Variants in ALOX5 observed in about 807,000 individuals in gnomAD.
ALOX5 encodes the protein polyunsaturated fatty acid 5-lipoxygenase.
A neutral mutation model predicts 87.9 loss-of-function variants in ALOX5; 64 were observed. That is an observed-to-expected ratio of 0.73 (90% CI 0.60 to 0.90). The LOEUF (loss-of-function observed/expected upper bound fraction) is 0.90. Ranked by LOEUF, ALOX5 falls within the 40% of genes least tolerant of loss-of-function variation. The pLI is 0.00. For synonymous variants in ALOX5, 388 were observed against 355.1 expected, an observed-to-expected ratio of 1.09 and a Z score of -1.04; for missense variants, 822 against 907.5, an observed-to-expected ratio of 0.91 and a Z score of 1.21.
intron 4 of ALOX5, among the ~76,000 whole-genome samples, chr10:45,415,235 C>T (rs546524034): frequency 2.3e-4 from 35 of 152,336 alleles, no homozygotes; most frequent in South Asian, 6.2e-4. Flanking sequence ...CACATATGCA[C>T]TATGGAATAC....
chr10:45,404,045 A>G (rs988154800), intron 3 of ALOX5, among the ~76,000 whole-genome samples: 5 of 152,242 alleles, frequency 3.3e-5, no homozygotes, highest in African/African-American at 4.8e-5. Flanking sequence ...AGACTTTGCT[A>G]TCTACTCATC....
chr10:45,440,847 A>ACACAC (rs1842213219), intron 8 of ALOX5, among the ~76,000 whole-genome samples: 1 of 152,326 alleles, frequency 6.6e-6, no homozygotes, highest in African/African-American at 2.4e-5. Context: ...CATGGGCCTG[A>ACACAC]CACACGGGCC....
chr10:45,419,343 G>C (rs949965560), intron 4 of ALOX5, among the ~76,000 whole-genome samples: 1 of 152,240 alleles, frequency 6.6e-6, no homozygotes, highest in East Asian at 1.9e-4. Context: ...GCACGAAGGA[G>C]GCTGGGGCGA....
chr10:45,422,614 A>C (rs760606310), intron 4 of ALOX5, among the ~76,000 whole-genome samples: 1 of 152,202 alleles, frequency 6.6e-6, no homozygotes, highest in African/African-American at 2.4e-5. Flanking sequence ...TGCCCTCAGC[A>C]TGCATAGGGC....
At chr10:45,442,784 T>C in intron 9 of ALOX5, 1 of 475,590 alleles carries the variant, frequency 2.1e-6, no homozygotes. Context: ...GAGCGCACCC[T>C]TCCCTCTTGT....
intron 4 of ALOX5, among the ~76,000 whole-genome samples, chr10:45,422,738 G>A (rs891754379): frequency 6.6e-5 from 10 of 152,196 alleles, no homozygotes; most frequent in South Asian, 2.1e-4. Context: ...CCCCATGTGC[G>A]CAGTAAGAGA....
intron 3 of ALOX5, among the ~76,000 whole-genome samples, chr10:45,404,284 TC>T (rs1292604703): frequency 2.6e-5 from 4 of 152,194 alleles, no homozygotes; most frequent in Admixed American, 2.6e-4. Context: ...TCAGAAGATT[TC>T]TCAGGCTTCC....
At chr10:45,418,322 A>G (rs1841370990) in intron 4 of ALOX5, among the ~76,000 whole-genome samples, 1 of 152,100 alleles carries the variant, frequency 6.6e-6, no homozygotes, top group African/African-American at 2.4e-5. Context: ...AAGTCGTCTA[A>G]GTTCCCTGAG....
chr10:45,380,408 C>A (rs1475395941), intron 1 of ALOX5, among the ~76,000 whole-genome samples: 1 of 152,234 alleles, frequency 6.6e-6, no homozygotes, highest in Non-Finnish European at 1.5e-5. Flanking sequence ...GCGTCAGCCA[C>A]CCCAAACTGC....
intron 9 of ALOX5, among the ~76,000 whole-genome samples, chr10:45,441,934 T>C (rs1842248222): frequency 6.6e-6 from 1 of 152,074 alleles, no homozygotes; most frequent in Admixed American, 6.5e-5. Context: ...TTGAGCCCTC[T>C]GTAGCCTTAC....
At chr10:45,377,182 G>A (rs550521112) in intron 1 of ALOX5, among the ~76,000 whole-genome samples, 4 of 152,272 alleles carry the variant, frequency 2.6e-5, no homozygotes, top group African/African-American at 9.6e-5. Flanking sequence ...TCTTAAGTCA[G>A]TGAGTATTCT....
In ALOX5 at chr10:45,443,421, C is replaced by T. The variant is rs1241552274; in HGVS notation, c.1457C>T (p.Thr486Met). Reference protein sequence around the residue: ...LLVWEAIRTFTAEVVDIYYEG... With the variant: ...LLVWEAIRTFMAEVVDIYYEG... ...GGCTGCGCCCCCTGAGCCAGGTTCACGGCCGAGGTGGTAGACATCTACTAC... is the reference window on the plus strand; with the variant it reads ...GGCTGCGCCCCCTGAGCCAGGTTCATGGCCGAGGTGGTAGACATCTACTAC... Residue 486 changes from threonine to methionine, a missense_variant, in exon 11 of 14, where the codon ACG becomes ATG. Physicochemically the swap from Thr to Met is moderately conservative, Grantham distance 81 (BLOSUM62 -1). Transcript: ENST00000374391. 6.9e-6 allele frequency: 11 copies of T among 1,603,060 alleles called. No individual in the cohort carries two copies. The highest frequency in any genetic ancestry group is 3.5e-5 in the Admixed American group (2 of 57,334).
Position 45,443,412 on chromosome 10 carries a change from C to G in ALOX5, c.1452-4C>G, listed in dbSNP as rs549432246. 1.9e-5 allele frequency: 31 copies of G among 1,601,272 alleles called. No individual in the cohort carries two copies. In the South Asian group the frequency reaches 3.2e-4, roughly 17 times the overall value. On this transcript the variant is annotated splice_region_variant and splice_polypyrimidine_tract_variant and intron_variant, in intron 10 of 13. Coordinates refer to ENST00000374391, the MANE Select transcript of ALOX5 (RefSeq NM_000698.5). ...GCCCACCCCGGCTGCGCCCCCTGAGCCAGGTTCACGGCCGAGGTGGTAGAC... is the reference window on the plus strand; with the variant it reads ...GCCCACCCCGGCTGCGCCCCCTGAGGCAGGTTCACGGCCGAGGTGGTAGAC...
intron 1 of ALOX5, among the ~76,000 whole-genome samples, chr10:45,379,591 G>A (rs1300098100): frequency 6.6e-6 from 1 of 152,204 alleles, no homozygotes; most frequent in Non-Finnish European, 1.5e-5. Flanking sequence ...CCGTGACGCA[G>A]GGGCCCATGC....
At chr10:45,384,875 C>G (rs1299376762) in intron 2 of ALOX5, among the ~76,000 whole-genome samples, 1 of 146,186 alleles carries the variant, frequency 6.8e-6, no homozygotes, top group Non-Finnish European at 1.5e-5. Flanking sequence ...CAGAGTCTCA[C>G]TCTATTGCCC....
intron 3 of ALOX5, among the ~76,000 whole-genome samples, chr10:45,409,509 G>GTCTCTCTC (rs71515351): frequency 0.014 from 1,869 of 129,872 alleles, 54 homozygotes; most frequent in Middle Eastern, 0.031. Flanking sequence ...CTGTCTGTCT[G>GTCTCTCTC]TCTCTCTCTC....
At chr10:45,375,622 G>A (rs1839576558) in intron 1 of ALOX5, among the ~76,000 whole-genome samples, 1 of 152,226 alleles carries the variant, frequency 6.6e-6, no homozygotes, top group Non-Finnish European at 1.5e-5. Flanking sequence ...TAAAATTTGT[G>A]TTTTAGGTGT....
At chr10:45,380,486 C>T (rs1405809052) in intron 1 of ALOX5, among the ~76,000 whole-genome samples, 2 of 152,224 alleles carry the variant, frequency 1.3e-5, no homozygotes, top group African/African-American at 4.8e-5. Context: ...GGAAGCCCTC[C>T]AGGGGTCCTC....
Position 45,382,506 on chromosome 10 carries a change from G to A in ALOX5, c.174G>A (p.Val58=). The change falls in exon 2 of 14, where the codon GTG becomes GTA. Residue 58 remains valine, a synonymous_variant. Transcript: ENST00000374391. ...RGAVDSYDVT[V]DEELGEIQLV... The stretch of plus-strand genomic sequence containing the variant: ...AGGTGGATTCATACGACGTGACTGT[G>A]GACGAGGAACTGGGCGAGATCCAGC... 6.2e-7 allele frequency: 1 copy of A among 1,614,214 alleles called. No individual in the cohort carries two copies. Among genetic ancestry groups the A allele is most frequent in the Non-Finnish European group, 8.5e-7 (1 of 1,180,044 alleles).
Sources: allele counts gnomAD v4.1 joint callset (sites outside exome capture counted in the v4.1 genomes callset), GRCh38; gene constraint gnomAD v4.1.1; transcripts MANE v1.5; gene names NCBI Gene and HGNC (gene_info 2026-07-23, HGNC 2026-07-21).